The following CTSD variants were observed in gnomAD, a reference collection of about 807,000 sequenced individuals.
CTSD encodes ceroid-lipofuscinosis, neuronal 10.
A neutral mutation model predicts 43.6 loss-of-function variants in CTSD; 28 were observed. That is an observed-to-expected ratio of 0.64 (90% CI 0.48 to 0.88). The LOEUF is 0.88. CTSD is among the 40% of genes least tolerant of loss of function. CTSD has a pLI of 0.00. For synonymous variants in CTSD, 270 were observed against 249.8 expected (o/e 1.08, Z -0.76); for missense variants, 485 against 555.2 (o/e 0.87, Z 1.27).
At position 1,758,970 on chromosome 11, in the gene CTSD, G is replaced by A. The variant is rs587779409; in HGVS notation, c.470C>T (p.Ser157Leu). Residue 157 changes from serine (S) to leucine (L), a missense_variant and splice_region_variant, in exon 4 of 9, where the codon TCG (serine) becomes TTG (leucine). Physicochemically the swap from Ser to Leu is moderately radical, Grantham distance 145. Transcript: ENST00000236671. ...GGGAAAGGCCCCAGAGGGACTCACC[G>A]ACACAGTGTCCTGGCTCAGGTACCC... ...LSGYLSQDTV[S>L]VPCQSASSAS... The A allele has an allele frequency of 2.2e-5, 35 of 1,604,192 alleles. No individual in the cohort carries two copies. The highest frequency in any genetic ancestry group is 4.5e-5 in the East Asian group (2 of 44,826).
chr11:1,759,788 A>G, intron 2 of CTSD, 149 bp from the exon 3 acceptor site: 1 of 833,044 alleles, frequency 1.2e-6, no homozygotes, highest in East Asian at 2.7e-5. Context: ...ACCCACTCCC[A>G]CCTGCTCAGC....
intron 4 of CTSD, among the ~76,000 whole-genome samples, 181 bp downstream of exon 4, chr11:1,758,788 C>T (rs1845839427): frequency 6.6e-6 from 1 of 152,160 alleles, no homozygotes; most frequent in Non-Finnish European, 1.5e-5. Flanking sequence ...GCTGTCCCTC[C>T]AGCCTGCACA....
chr11:1,756,306 G>A (rs1845808961), intron 5 of CTSD, among the ~76,000 whole-genome samples: 1 of 152,216 alleles, frequency 6.6e-6, no homozygotes, highest in African/African-American at 2.4e-5. Context: ...CAAGGCTCCT[G>A]GGGAAATGGC....
Position 1,753,148 on chromosome 11 carries a change from C to A in CTSD, c.*355G>T. 8.2e-6 allele frequency: 3 copies of A among 365,834 alleles called. 1 individual carries two copies. Among genetic ancestry groups the A allele is most frequent in the South Asian group, 6.7e-5 (3 of 44,758 alleles). The allele number at this position is 365,834 out of a possible 1,614,324, so 22.7% of individuals were successfully genotyped here. ...TGGGGTAGGGGCTCAGCCCAGCGGG[C>A]GCTGGTAGGGCCGGGGAGGGGACTC... is the stretch of plus-strand genomic sequence containing the variant. On this transcript the variant is annotated 3_prime_UTR_variant, in exon 9 of 9. Coordinates refer to ENST00000236671, the MANE Select transcript of CTSD (RefSeq NM_001909.5).
intron 1 of CTSD, chr11:1,762,972 G>C (rs1845900934): frequency 6.6e-6 from 1 of 152,422 alleles, no homozygotes; most frequent in Non-Finnish European, 1.5e-5. Context: ...CTCCCACAAA[G>C]GCCCAGAGCA....
Position 1,763,881 on chromosome 11 carries a change from G to T in CTSD, c.-22C>A, listed in dbSNP as rs980486066. On this transcript the variant is annotated 5_prime_UTR_variant, in exon 1 of 9. Transcript: ENST00000236671. ...GCATGGCGGCGGCGGCCGGGTCGGAGAGGGTCGCCGAGGCCGTGCGCTTAT... is the reference window on the plus strand; with the variant it reads ...GCATGGCGGCGGCGGCCGGGTCGGATAGGGTCGCCGAGGCCGTGCGCTTAT... 3.3e-6 allele frequency: 5 copies of T among 1,518,136 alleles called. No individual in the cohort carries two copies. In the African/African-American group the frequency reaches 4.3e-5, roughly 13 times the overall value. 94.0% of individuals were successfully genotyped at this position (1,518,136 alleles called of 1,614,324 possible).
intron 2 of CTSD, among the ~76,000 whole-genome samples, chr11:1,759,953 AG>A (rs1845854983): frequency 2.6e-5 from 4 of 152,218 alleles, no homozygotes; most frequent in Admixed American, 2.6e-4. Context: ...AGGTCAAGCC[AG>A]GGTGGGGACA....
rs138940129 is a variant in CTSD at position 1,753,665 on chromosome 11, C to A, written c.1077G>T (p.Ser359=). The A allele has an allele frequency of 1.9e-6, 3 of 1,612,636 alleles. No homozygotes were observed. Among genetic ancestry groups the A allele is most frequent in the Admixed American group, 3.3e-5 (2 of 59,984 alleles). The change falls in exon 9 of 9, where the codon TCG becomes TCT. Residue 359 remains serine (S), a synonymous_variant. Coordinates refer to ENST00000236671, the MANE Select transcript of CTSD (RefSeq NM_001909.5). ...TCAGGCAGAGGGTCTTCCCGGCCTGCGACACCTGGGACGGCCCTGGTGGTC... is the reference window on the plus strand; with the variant it reads ...TCAGGCAGAGGGTCTTCCCGGCCTGAGACACCTGGGACGGCCCTGGTGGTC... ...LSPEDYTLKV[S]QAGKTLCLSG...
At chr11:1,760,843 G>A (rs924784244) in intron 2 of CTSD, 4 of 232,024 alleles carry the variant, frequency 1.7e-5, no homozygotes, top group Non-Finnish European at 3.6e-5. Context: ...GCCCCAGCTT[G>A]CTAGGTGGCT....
rs1336549085 is a variant in CTSD, at chr11:1,753,083, G to A, written c.*420C>T. The A allele has an allele frequency of 1.6e-5, 5 of 307,662 alleles. No homozygotes were observed. The East Asian group carries it at 4.6e-4, about 29-fold the overall frequency. 19.1% of individuals were successfully genotyped at this position (307,662 alleles called of 1,614,324 possible). On this transcript the variant is annotated 3_prime_UTR_variant, in exon 9 of 9. Transcript: ENST00000236671. Reference sequence around the variant, plus strand: ...GCTGGGCAGAGGGGCCCTCAGGCAGGGCAGGTTTCCAAGGGAGGGCCCGGG... The same window carrying A: ...GCTGGGCAGAGGGGCCCTCAGGCAGAGCAGGTTTCCAAGGGAGGGCCCGGG...
chr11:1,757,018 C>A (rs1045471406), intron 5 of CTSD, among the ~76,000 whole-genome samples: 1 of 152,224 alleles, frequency 6.6e-6, no homozygotes, highest in Non-Finnish European at 1.5e-5. Context: ...GGAACTGCCA[C>A]GACCCCTGAC....
In CTSD at chr11:1,757,434, G is replaced by A; in HGVS notation, c.594C>T (p.Ile198=). 6.2e-7 allele frequency: 1 copy of A among 1,614,148 alleles called. No homozygotes were observed. The highest frequency in any genetic ancestry group is 8.5e-7 in the Non-Finnish European group (1 of 1,180,038). Residue 198 remains isoleucine, a synonymous_variant, in exon 5 of 9, where the codon ATC becomes ATT. Transcript: ENST00000236671. ...AGATGCGGGGGTAGGCCATGCCCAGGATGCCATCGAACTTGGCTGCGATGA... is the reference window on the plus strand; with the variant it reads ...AGATGCGGGGGTAGGCCATGCCCAGAATGCCATCGAACTTGGCTGCGATGA... The part of the protein sequence containing the change: ...ITFIAAKFDG[I]LGMAYPRISV...
At position 1,757,534 on chromosome 11, in the gene CTSD, G is replaced by A; in HGVS notation, c.494C>T (p.Ser165Leu). The change falls in exon 5 of 9, where the codon TCA (serine) becomes TTA (leucine). Residue 165 changes from serine (S) to leucine (L), a missense_variant. Coordinates refer to ENST00000236671, the MANE Select transcript of CTSD (RefSeq NM_001909.5). ...TTTGACACCGCCCAGGGCAGAGGCT[G>A]ACGACGCTGACTGGCAGGGCACCTG... is the stretch of plus-strand genomic sequence containing the variant. ...TVSVPCQSAS[S>L]ASALGGVKVE... 1.2e-6 allele frequency: 2 copies of A among 1,612,336 alleles called. No individual in the cohort carries two copies. Among genetic ancestry groups the A allele is most frequent in the Non-Finnish European group, 1.7e-6 (2 of 1,179,898 alleles).
intron 6 of CTSD, 90 bp downstream of exon 6, chr11:1,754,816 C>T: frequency 6.4e-7 from 1 of 1,572,296 alleles, no homozygotes; most frequent in Middle Eastern, 1.8e-4. Context: ...CCACATGCAA[C>T]CCCCACCTGC....
chr11:1,756,093 A>C, intron 5 of CTSD, among the ~76,000 whole-genome samples: 1 of 140,850 alleles, frequency 7.1e-6, no homozygotes, highest in South Asian at 2.3e-4. Flanking sequence ...GCCTCCCCCG[A>C]CCTGGGTACT....
chr11:1,761,176 G>A (rs72850960), intron 2 of CTSD, 133 bp downstream of exon 2: 50 of 936,886 alleles, frequency 5.3e-5, no homozygotes, highest in South Asian at 4.1e-4. Context: ...TGGCTGAGCC[G>A]GGACGCCACC....
Position 1,754,063 on chromosome 11 carries a change from C to T in CTSD, c.903G>A (p.Met301Ile). ...EAIVDTGTSLMVGPVDEVREL... is the reference protein window; with the variant it reads ...EAIVDTGTSLIVGPVDEVREL... The stretch of plus-strand genomic sequence containing the variant: ...CGCGCACCTCATCCACCGGGCCCAC[C>T]ATGAGGGAAGTGCCTGTGTCCACAA... Residue 301 changes from methionine to isoleucine, a missense_variant, in exon 7 of 9, where the codon ATG becomes ATA. Coordinates refer to ENST00000236671, the MANE Select transcript of CTSD (RefSeq NM_001909.5). The T allele has an allele frequency of 6.2e-7, 1 of 1,611,620 alleles. No homozygotes were observed. Among genetic ancestry groups the T allele is most frequent in the African/African-American group, 1.3e-5 (1 of 75,040 alleles).
rs577842448 is a variant in CTSD at position 1,757,536 on chromosome 11, C to T, written c.492G>A (p.Ser164=). Reference sequence around the variant, plus strand: ...TGACACCGCCCAGGGCAGAGGCTGACGACGCTGACTGGCAGGGCACCTGCA... The same window carrying T: ...TGACACCGCCCAGGGCAGAGGCTGATGACGCTGACTGGCAGGGCACCTGCA... ...DTVSVPCQSA[S]SASALGGVKV... is the part of the protein sequence containing the mutation. The change falls in exon 5 of 9, where the codon TCG becomes TCA. Residue 164 remains serine (S), a synonymous_variant. Transcript: ENST00000236671. The T allele has an allele frequency of 3.8e-5, 61 of 1,612,156 alleles. No individual in the cohort carries two copies. The highest frequency in any genetic ancestry group is 7.7e-5 in the South Asian group (7 of 91,026).
At chr11:1,760,374 G>A (rs529649037) in intron 2 of CTSD, 7 of 152,356 alleles carry the variant, frequency 4.6e-5, no homozygotes, top group African/African-American at 1.7e-4. Flanking sequence ...TGGAGTTTGG[G>A]GTCGCCTGGG....
Sources: gnomAD v4.1 joint callset for allele counts (sites outside exome capture counted in the v4.1 genomes callset) on GRCh38, gnomAD v4.1.1 for gene constraint, MANE v1.5 for transcripts, NCBI Gene and HGNC (gene_info 2026-07-23, HGNC 2026-07-21) for gene names.